The following RPS6KA2 variants were observed in gnomAD, a reference collection of about 807,000 sequenced individuals.
The protein encoded by RPS6KA2 is ribosomal protein S6 kinase alpha-2.
In RPS6KA2, 42 loss-of-function variants were observed where a neutral mutation model predicts 91.8. That is an observed-to-expected ratio of 0.46 (90% confidence interval 0.36 to 0.59). The LOEUF (loss-of-function observed/expected upper bound fraction) is 0.59, where lower values mean the gene tolerates loss of function less well. Ranked by LOEUF, RPS6KA2 falls within the 20% of genes least tolerant of loss-of-function variation. RPS6KA2 has a pLI of 0.00. For missense variants in RPS6KA2, 798 were observed against 978.5 expected (o/e 0.82, Z 2.46); for synonymous variants, 414 against 393.6 (o/e 1.05, Z -0.61).
Position 166,627,128 on chromosome 6 carries a change from G to T in RPS6KA2, c.-109C>A. 8.6e-7 allele frequency: 1 copy of T among 1,158,198 alleles called. No individual in the cohort carries two copies. Among genetic ancestry groups the T allele is most frequent in the Non-Finnish European group, 1.1e-6 (1 of 939,946 alleles). 71.7% of individuals were successfully genotyped at this position (1,158,198 alleles called of 1,614,324 possible). Reference sequence around the variant, plus strand: ...CGGGCACGCGTGGCCAGGGAGCCCGGCACGGCGGCCATGGGCGCGGGGCGT... The same window carrying T: ...CGGGCACGCGTGGCCAGGGAGCCCGTCACGGCGGCCATGGGCGCGGGGCGT... On this transcript the variant is annotated 5_prime_UTR_variant, in exon 1 of 21. Coordinates refer to ENST00000265678, the MANE Select transcript of RPS6KA2 (RefSeq NM_021135.6).
intron 11 of RPS6KA2, among the ~76,000 whole-genome samples, chr6:166,460,992 T>C (rs1780264255): frequency 6.6e-6 from 1 of 152,096 alleles, no homozygotes; most frequent in Non-Finnish European, 1.5e-5. Flanking sequence ...CCTGCTCTGC[T>C]TATCCGGGAG....
At chr6:166,544,964 G>A (rs1783778568) in intron 1 of RPS6KA2, among the ~76,000 whole-genome samples, 1 of 152,210 alleles carries the variant, frequency 6.6e-6, no homozygotes, top group African/African-American at 2.4e-5. Flanking sequence ...GCGCTTGCTG[G>A]AATCTAGGTG....
At chr6:166,757,234 C>A (rs1442400972) in intron 2 of RPS6KA2, among the ~76,000 whole-genome samples, 1 of 152,176 alleles carries the variant, frequency 6.6e-6, no homozygotes, top group Non-Finnish European at 1.5e-5. Context: ...ATTACGGACA[C>A]CCTTCCCCTC....
intron 10 of RPS6KA2, among the ~76,000 whole-genome samples, chr6:166,484,424 C>T (rs1030826277): frequency 1.3e-5 from 2 of 152,224 alleles, no homozygotes; most frequent in Admixed American, 1.3e-4. Context: ...TGTTCTCCTG[C>T]CTTCCTTACG....
At chr6:166,812,609 T>C (rs1361925114) in intron 2 of RPS6KA2, among the ~76,000 whole-genome samples, 1 of 152,138 alleles carries the variant, frequency 6.6e-6, no homozygotes, top group Non-Finnish European at 1.5e-5. Flanking sequence ...TGGCCTCCCA[T>C]ACCCGTGGCC....
intron 2 of RPS6KA2, among the ~76,000 whole-genome samples, chr6:166,661,064 C>T (rs937920899): frequency 1.3e-5 from 2 of 151,970 alleles, no homozygotes; most frequent in Non-Finnish European, 2.9e-5. Context: ...TTAAGTATTG[C>T]CCTTTAAAAA....
chr6:166,650,031 G>A (rs1787799333), intron 2 of RPS6KA2, among the ~76,000 whole-genome samples: 1 of 151,738 alleles, frequency 6.6e-6, no homozygotes, highest in Non-Finnish European at 1.5e-5. Flanking sequence ...AAAGAACATT[G>A]GCCTCAGAAA....
chr6:166,489,778 C>T (rs941361401), intron 9 of RPS6KA2, among the ~76,000 whole-genome samples: 3 of 152,144 alleles, frequency 2.0e-5, no homozygotes, highest in Non-Finnish European at 4.4e-5. Context: ...ACTCCCCTCT[C>T]TCCTTCCATC....
At chr6:166,718,158 T>C (rs111597080) in intron 2 of RPS6KA2, among the ~76,000 whole-genome samples, 97 of 152,274 alleles carry the variant, frequency 6.4e-4, no homozygotes, top group African/African-American at 2.3e-3. Flanking sequence ...CTATTTGTCA[T>C]TTTTCTATGA....
At chr6:166,597,016 G>C (rs1271256161) in intron 1 of RPS6KA2, among the ~76,000 whole-genome samples, 2 of 152,184 alleles carry the variant, frequency 1.3e-5, no homozygotes, top group Non-Finnish European at 2.9e-5. Flanking sequence ...GGGCACATGT[G>C]ATGTCAGGCA....
chr6:166,857,800 A>G (rs1780944827), intron 2 of RPS6KA2, among the ~76,000 whole-genome samples: 1 of 152,106 alleles, frequency 6.6e-6, no homozygotes, highest in African/African-American at 2.4e-5. Context: ...TGAGCACCTC[A>G]TCAGACATTT....
rs568444137 is a variant in RPS6KA2 at position 166,484,972 on chromosome 6, T to C, written c.907+3861A>G. Among the ~76,000 whole-genome samples, 6 of 152,360 alleles carry C rather than the reference T, an allele frequency of 3.9e-5. No homozygotes were observed. The South Asian group carries it at 6.2e-4, about 16-fold the overall frequency. On this transcript the variant is annotated intron_variant, in intron 10 of 20. Coordinates refer to ENST00000265678, the MANE Select transcript of RPS6KA2 (RefSeq NM_021135.6). Reference sequence around the variant, plus strand: ...TACCTTAGTGCAGTGCCAAGGCATCTTCTCATCCTCATCAACAGCACCGTG... The same window carrying C: ...TACCTTAGTGCAGTGCCAAGGCATCCTCTCATCCTCATCAACAGCACCGTG...
intron 2 of RPS6KA2, among the ~76,000 whole-genome samples, chr6:166,715,389 T>C (rs1583044150): frequency 6.6e-6 from 1 of 152,264 alleles, no homozygotes. Flanking sequence ...AGTAAACTTA[T>C]CCAGGAGACA....
At chr6:166,690,197 G>A (rs1029121780) in intron 2 of RPS6KA2, among the ~76,000 whole-genome samples, 1 of 152,200 alleles carries the variant, frequency 6.6e-6, no homozygotes, top group Non-Finnish European at 1.5e-5. Context: ...CAGCATTGGG[G>A]TGACGGGGTC....
At chr6:166,471,005 G>T (rs1156722024) in intron 10 of RPS6KA2, among the ~76,000 whole-genome samples, 1 of 152,114 alleles carries the variant, frequency 6.6e-6, no homozygotes, top group Non-Finnish European at 1.5e-5. Flanking sequence ...GGGAATTCCT[G>T]CCAGCTCCGG....
At chr6:166,660,716 T>A (rs1049905359) in intron 2 of RPS6KA2, among the ~76,000 whole-genome samples, 11 of 152,236 alleles carry the variant, frequency 7.2e-5, no homozygotes, top group African/African-American at 2.4e-4. Flanking sequence ...GTATGTGCTG[T>A]TCTTGAGCCC....
rs2128606557 is a variant in RPS6KA2, at chr6:166,770,587, T to C, written c.123+87613A>G. 6.6e-6 allele frequency among the ~76,000 whole-genome samples: 1 copy of C among 152,346 alleles called. No homozygotes were observed. The highest frequency in any genetic ancestry group is 2.1e-4 in the South Asian group (1 of 4,818). On this transcript the variant is annotated intron_variant, in intron 2 of 21. Coordinates refer to the RPS6KA2 transcript ENST00000503859. The surrounding 1 kb of genome is among the most constrained non-coding windows in gnomAD (Gnocchi z 5.1). ...AGAATCAAACTCAAATCATAATGCA[T>C]GGCAAGATGACATCCTCAGTTTAGC...
intron 2 of RPS6KA2, chr6:166,701,450 C>G (rs1789516808): frequency 4.2e-6 from 5 of 1,177,744 alleles, no homozygotes; most frequent in South Asian, 3.6e-5. Flanking sequence ...AACCGAGCCT[C>G]TGGTGATCCA....
At chr6:166,824,679 GTGTCTACA>G (rs1413813931) in intron 2 of RPS6KA2, among the ~76,000 whole-genome samples, 32 of 144,328 alleles carry the variant, frequency 2.2e-4, no homozygotes, top group African/African-American at 4.1e-4. Flanking sequence ...GTGTGTCTGT[GTGTCTACA>G]TGTGTGTCTG....
Sources: allele counts gnomAD v4.1 joint callset (sites outside exome capture counted in the v4.1 genomes callset), GRCh38; gene constraint gnomAD v4.1.1; non-coding constraint Gnocchi (gnomAD v3.1); transcripts MANE v1.5; gene names NCBI Gene and HGNC (gene_info 2026-07-23, HGNC 2026-07-21).